Variants in RGS7 observed in about 807,000 individuals in gnomAD.
RGS7 encodes regulator of G-protein signaling 7.
Under a neutral mutation model 81.1 loss-of-function variants are expected in RGS7, and 27 were observed. The ratio of observed to expected loss-of-function variants is 0.33; its 90% CI spans 0.25 to 0.46. The LOEUF is 0.46. Ranked by LOEUF, RGS7 falls within the 20% of genes least tolerant of loss-of-function variation. The pLI, the probability that RGS7 is intolerant of heterozygous loss-of-function variation, is 1.00. For missense variants in RGS7, 396 were observed against 607.4 expected (o/e 0.65, Z 3.66); for synonymous variants, 208 against 207.7 (o/e 1.00, Z -0.01).
intron 3 of RGS7, among the ~76,000 whole-genome samples, chr1:241,003,683 T>C (rs2058537921): frequency 6.6e-6 from 1 of 152,130 alleles, no homozygotes; most frequent in African/African-American, 2.4e-5. Flanking sequence ...CAAACCCTCA[T>C]GAAGGGGCTC....
chr1:240,860,310 C>T (rs942088469), intron 9 of RGS7, among the ~76,000 whole-genome samples: 17 of 152,120 alleles, frequency 1.1e-4, no homozygotes, highest in African/African-American at 4.1e-4. Flanking sequence ...GTATTACAGT[C>T]TCAAAATAAA....
intron 6 of RGS7, among the ~76,000 whole-genome samples, chr1:240,881,514 G>T: frequency 6.6e-6 from 1 of 152,106 alleles, no homozygotes; most frequent in East Asian, 1.9e-4. Context: ...AAAAAAAGCA[G>T]GGTTTTCAAA....
intron 2 of RGS7, among the ~76,000 whole-genome samples, chr1:241,137,443 T>C (rs1263726491): frequency 6.6e-6 from 1 of 152,222 alleles, no homozygotes; most frequent in Non-Finnish European, 1.5e-5. Flanking sequence ...CTTTTATTGT[T>C]GTTTTAGGGA....
At chr1:240,981,283 T>C (rs1451380976) in intron 4 of RGS7, among the ~76,000 whole-genome samples, 2 of 152,094 alleles carry the variant, frequency 1.3e-5, no homozygotes, top group Non-Finnish European at 2.9e-5. Context: ...CTAATTTTTG[T>C]ATTTTTAGTA....
chr1:240,838,940 T>A (rs1169052689), intron 9 of RGS7, among the ~76,000 whole-genome samples: 2 of 152,124 alleles, frequency 1.3e-5, no homozygotes, highest in African/African-American at 2.4e-5. Flanking sequence ...ATTTTTTTTG[T>A]ATTTTTAGTA....
At chr1:241,321,721 A>G (rs2081225592) in intron 2 of RGS7, among the ~76,000 whole-genome samples, 2 of 152,204 alleles carry the variant, frequency 1.3e-5, no homozygotes, top group South Asian at 4.1e-4. Flanking sequence ...TCTAATAACC[A>G]TAATTCTAAA....
chr1:240,900,018 G>A (rs565381904), intron 6 of RGS7, among the ~76,000 whole-genome samples: 147 of 151,896 alleles, frequency 9.7e-4, no homozygotes, highest in Middle Eastern at 3.4e-3. Context: ...TTCTCTTCTC[G>A]CTCCATTTCA....
chr1:240,973,498 A>C (rs558706589), intron 4 of RGS7, among the ~76,000 whole-genome samples: 2 of 148,560 alleles, frequency 1.3e-5, no homozygotes, highest in Admixed American at 6.8e-5. Context: ...TGACAGAGCA[A>C]GACTGACTCT....
chr1:240,793,781 T>A (rs1034804037), intron 18 of RGS7, among the ~76,000 whole-genome samples: 1 of 151,376 alleles, frequency 6.6e-6, no homozygotes, highest in Non-Finnish European at 1.5e-5. Flanking sequence ...AGTTAATTTT[T>A]TTTTGTATTG....
intron 9 of RGS7, among the ~76,000 whole-genome samples, chr1:240,859,963 C>A (rs369138361): frequency 6.6e-6 from 1 of 152,216 alleles, no homozygotes; most frequent in African/African-American, 2.4e-5. Flanking sequence ...GCTTCTATGA[C>A]CCATGTGTTA....
chr1:241,262,230 A>G (rs1407701192), intron 2 of RGS7, among the ~76,000 whole-genome samples: 1 of 152,280 alleles, frequency 6.6e-6, no homozygotes, highest in African/African-American at 2.4e-5. Flanking sequence ...TGCAGAGGCT[A>G]CAGAAGAGAT....
intron 4 of RGS7, among the ~76,000 whole-genome samples, chr1:240,960,704 T>A (rs745521756): frequency 3.9e-5 from 6 of 152,152 alleles, no homozygotes; most frequent in Non-Finnish European, 8.8e-5. Context: ...GTACAGTCAC[T>A]TAATTCTGCC....
intron 9 of RGS7, among the ~76,000 whole-genome samples, chr1:240,851,072 A>G (rs1247486042): frequency 6.6e-6 from 1 of 152,188 alleles, no homozygotes; most frequent in African/African-American, 2.4e-5. Flanking sequence ...TTGATTTTCG[A>G]TGTAGACAAA....
At chr1:240,853,734 C>G (rs555531074) in intron 9 of RGS7, among the ~76,000 whole-genome samples, 2 of 151,854 alleles carry the variant, frequency 1.3e-5, no homozygotes, top group Admixed American at 1.3e-4. Context: ...AACCCCGTCT[C>G]TACTAAAAAT....
At chr1:240,956,167 C>T (rs1428897929) in intron 4 of RGS7, among the ~76,000 whole-genome samples, 1 of 152,124 alleles carries the variant, frequency 6.6e-6, no homozygotes, top group Admixed American at 6.5e-5. Context: ...ACTTGATGCA[C>T]ACACTCTCTA....
intron 3 of RGS7, among the ~76,000 whole-genome samples, chr1:240,989,661 T>A (rs537673895): frequency 5.3e-5 from 8 of 152,234 alleles, no homozygotes; most frequent in African/African-American, 1.9e-4. Context: ...TATAGGCGTG[T>A]TCCTGGTGGT....
At chr1:241,191,045 G>A (rs913674644) in intron 2 of RGS7, among the ~76,000 whole-genome samples, 28 of 151,678 alleles carry the variant, frequency 1.8e-4, no homozygotes, top group East Asian at 5.8e-4. Context: ...GCAGTGGTGC[G>A]ATCTTGGCTC....
intron 2 of RGS7, among the ~76,000 whole-genome samples, chr1:241,105,799 GAATC>G (rs1260985840): frequency 6.6e-6 from 1 of 152,142 alleles, no homozygotes; most frequent in Admixed American, 6.5e-5. Context: ...AAAAAGAAAT[GAATC>G]AATCAAAATT....
At chr1:241,339,249 T>C (rs1343399535) in intron 2 of RGS7, among the ~76,000 whole-genome samples, 2 of 152,242 alleles carry the variant, frequency 1.3e-5, no homozygotes, top group African/African-American at 2.4e-5. Context: ...TAGTATTCCA[T>C]GGTGTATACA....
Sources: gnomAD v4.1 joint callset for allele counts (sites outside exome capture counted in the v4.1 genomes callset) on GRCh38, gnomAD v4.1.1 for gene constraint, MANE v1.5 for transcripts, NCBI Gene and HGNC (gene_info 2026-07-23, HGNC 2026-07-21) for gene names.